The following SSPN variants were observed in gnomAD, a reference collection of about 807,000 sequenced individuals.
The protein encoded by SSPN is sarcospan.
Under a neutral mutation model 19.1 loss-of-function variants are expected in SSPN, and 15 were observed. The ratio of observed to expected loss-of-function variants is 0.78; its 90% CI spans 0.52 to 1.21. The LOEUF (loss-of-function observed/expected upper bound fraction) is 1.21. Ranked by LOEUF, SSPN falls within the 50% of genes most tolerant of loss-of-function variation. SSPN has a pLI of 0.00. For synonymous variants in SSPN, 147 were observed against 140.3 expected (o/e 1.05, Z -0.34); for missense variants, 291 against 314.0 (o/e 0.93, Z 0.55).
intron 1 of SSPN, chr12:26,124,086 G>GT: frequency 6.2e-7 from 1 of 1,606,042 alleles, no homozygotes; most frequent in Non-Finnish European, 8.5e-7. Flanking sequence ...AATTTCAGAT[G>GT]TTCAGGCAGT....
chr12:26,222,330 G>A (rs1194152389), intron 1 of SSPN, among the ~76,000 whole-genome samples: 3 of 152,234 alleles, frequency 2.0e-5, no homozygotes, highest in Non-Finnish European at 2.9e-5. Context: ...GGCAGTGGAT[G>A]AGGGCATAGG....
At chr12:26,190,778 A>G (rs570853573), upstream of SSPN, among the ~76,000 whole-genome samples, 3 of 152,266 alleles carry the variant, frequency 2.0e-5, no homozygotes, top group African/African-American at 7.2e-5. Flanking sequence ...TTAAAAATTG[A>G]GATGTCATTG....
At chr12:26,137,855 C>T (rs762958883) in intron 1 of SSPN, among the ~76,000 whole-genome samples, 4 of 150,860 alleles carry the variant, frequency 2.7e-5, no homozygotes, top group African/African-American at 4.9e-5. Flanking sequence ...TTAGTAGAGA[C>T]GGGTTTCACC....
Position 26,212,570 on chromosome 12 carries a change from G to A in SSPN, c.280-11723G>A, listed in dbSNP as rs112601961. Among the ~76,000 whole-genome samples, 471 of 151,952 alleles carry A rather than the reference G, an allele frequency of 3.1e-3. 3 individuals carry two copies. Among genetic ancestry groups the A allele is most frequent in the Non-Finnish European group, 5.3e-3 (358 of 67,962 alleles). ...CTCTGTGTCGAAACCCAAACCCCTC[G>A]TGGGCAGGCAGAACTTAGTTCTTCC... is the stretch of plus-strand genomic sequence containing the variant. On this transcript the variant is annotated intron_variant, in intron 1 of 2. Coordinates refer to ENST00000242729, the MANE Select transcript of SSPN (RefSeq NM_005086.5).
chr12:26,146,024 A>G (rs1221450604), intron 1 of SSPN, among the ~76,000 whole-genome samples: 2 of 152,182 alleles, frequency 1.3e-5, no homozygotes, highest in African/African-American at 4.8e-5. Flanking sequence ...TTTGCTGTCC[A>G]TGGAGCTGGA....
chr12:26,159,354 G>A (rs1394134903), intron 1 of SSPN, among the ~76,000 whole-genome samples: 1 of 152,256 alleles, frequency 6.6e-6, no homozygotes, highest in Non-Finnish European at 1.5e-5. Flanking sequence ...TGGGAAAAAC[G>A]AGTAAACTGG....
chr12:26,231,256 T>A lies in SSPN; in HGVS notation c.*180T>A. ...TTCTTCAGGTTTCTATTGTATTTTT[T>A]TTAACATTCTTGCAGAGAAAGCAAG... is the stretch of plus-strand genomic sequence containing the variant. On this transcript the variant is annotated 3_prime_UTR_variant, in exon 3 of 3. Transcript: ENST00000242729. 1.0e-6 allele frequency: 1 copy of A among 1,000,542 alleles called. No individual in the cohort carries two copies. Among genetic ancestry groups the A allele is most frequent in the Non-Finnish European group, 1.4e-6 (1 of 729,538 alleles). The allele number at this position is 1,000,542 out of a possible 1,614,324, so 62.0% of individuals were successfully genotyped here.
chr12:26,205,848 A>G (rs554478265), intron 1 of SSPN, among the ~76,000 whole-genome samples: 1 of 152,322 alleles, frequency 6.6e-6, no homozygotes, highest in Admixed American at 6.5e-5. Context: ...TACTTCTCCC[A>G]GGCTCTTTGG....
Position 26,230,739 on chromosome 12 carries a change from G to T in SSPN, c.395G>T (p.Gly132Val). 6.2e-7 allele frequency: 1 copy of T among 1,613,936 alleles called. No individual in the cohort carries two copies. The highest frequency in any genetic ancestry group is 8.5e-7 in the Non-Finnish European group (1 of 1,179,866). Residue 132 changes from glycine to valine, a missense_variant, in exon 3 of 3, where the codon GGC becomes GTC. Around this residue, in one of 3 missense-constraint regions of SSPN, gnomAD observed 141 missense variants for 166.7 expected, o/e 0.85. Coordinates refer to ENST00000242729, the MANE Select transcript of SSPN (RefSeq NM_005086.5). ...TTATACTTTCTGCTGAGTGCCCTGG[G>T]CCTGACGGTCTGTGTGCTGGCCGTG... ...KLLYFLLSAL[G>V]LTVCVLAVAF...
chr12:26,198,382 T>C (rs1944849301), intron 1 of SSPN, among the ~76,000 whole-genome samples: 1 of 152,228 alleles, frequency 6.6e-6, no homozygotes, highest in African/African-American at 2.4e-5. Flanking sequence ...TTTGGACAAG[T>C]TACTTAACTT....
Position 26,126,825 on chromosome 12 carries a change from T to C in SSPN, c.-31+4673T>C, listed in dbSNP as rs1944369272. Among the ~76,000 whole-genome samples, 4 of 152,178 alleles carry C rather than the reference T, an allele frequency of 2.6e-5. No individual in the cohort carries two copies. In the South Asian group the frequency reaches 8.3e-4, roughly 31 times the overall value. ...TTTAAGGTCTCTCGACTTCCTCAAA[T>C]AGAGGAACGTATTTTGCACCAAACA... On this transcript the variant is annotated intron_variant, in intron 1 of 2. Transcript: ENST00000538142.
In SSPN at chr12:26,195,726, C is replaced by T; in HGVS notation, c.54C>T (p.Ala18=). Residue 18 remains alanine, a synonymous_variant, in exon 1 of 3, where the codon GCC becomes GCT. Transcript: ENST00000242729. ...AGCAGAGGCAGGGGGGCCCGCCGGC[C>T]GCGGACGCCGCTGGGCCCGACGACA... The part of the protein sequence containing the change: ...RGQQRQGGPP[A]ADAAGPDDME... 6.9e-7 allele frequency: 1 copy of T among 1,451,312 alleles called. No individual in the cohort carries two copies. The highest frequency in any genetic ancestry group is 9.0e-7 in the Non-Finnish European group (1 of 1,107,740). The allele number at this position is 1,451,312 out of a possible 1,614,324, so 89.9% of individuals were successfully genotyped here.
At chr12:26,169,200 T>A (rs1373394573) in intron 1 of SSPN, among the ~76,000 whole-genome samples, 1 of 152,196 alleles carries the variant, frequency 6.6e-6, no homozygotes, top group Non-Finnish European at 1.5e-5. Context: ...CTAACTTTTT[T>A]TTTTGTTCTG....
chr12:26,203,017 G>C (rs1565686094), intron 1 of SSPN, among the ~76,000 whole-genome samples: 1 of 152,168 alleles, frequency 6.6e-6, no homozygotes, highest in African/African-American at 2.4e-5. Flanking sequence ...GCAGGAGAGA[G>C]AGCACTGGGG....
At chr12:26,170,372 A>G (rs564467909) in intron 1 of SSPN, among the ~76,000 whole-genome samples, 3 of 152,342 alleles carry the variant, frequency 2.0e-5, no homozygotes, top group African/African-American at 7.2e-5. Context: ...CTTCAGATCT[A>G]TGGCATTAAT....
At chr12:26,185,454 T>A (rs945259648) in intron 1 of SSPN, among the ~76,000 whole-genome samples, 2 of 152,194 alleles carry the variant, frequency 1.3e-5, no homozygotes, top group African/African-American at 4.8e-5. Flanking sequence ...AAAAAAGGGT[T>A]GGGTATTTAG....
intron 1 of SSPN, among the ~76,000 whole-genome samples, chr12:26,165,462 T>C (rs1326101947): frequency 2.0e-5 from 3 of 152,378 alleles, no homozygotes; most frequent in East Asian, 1.9e-4. Context: ...TTTGCACTTA[T>C]GGCCTGGAGC....
chr12:26,213,610 A>G lies in SSPN; in HGVS notation c.280-10683A>G, dbSNP rs116269780. On this transcript the variant is annotated intron_variant, in intron 1 of 2. Coordinates refer to ENST00000242729, the MANE Select transcript of SSPN (RefSeq NM_005086.5). ...GTCTATGAATCCTGTGAATTCTTAGATACTTATAGTGGATGCATGTTGTTG... is the reference window on the plus strand; with the variant it reads ...GTCTATGAATCCTGTGAATTCTTAGGTACTTATAGTGGATGCATGTTGTTG... Among the ~76,000 whole-genome samples, 841 of 151,792 alleles carry G rather than the reference A, an allele frequency of 5.5e-3. 11 individuals carry two copies. Among genetic ancestry groups the G allele is most frequent in the African/African-American group, 0.019 (799 of 41,374 alleles).
At chr12:26,165,640 GA>G (rs1484397764) in intron 1 of SSPN, among the ~76,000 whole-genome samples, 2 of 152,214 alleles carry the variant, frequency 1.3e-5, no homozygotes, top group African/African-American at 4.8e-5. Flanking sequence ...CAGGGAACAT[GA>G]AATTTTGAGT....
Sources: allele counts gnomAD v4.1 joint callset (sites outside exome capture counted in the v4.1 genomes callset), GRCh38; gene constraint gnomAD v4.1.1; regional missense constraint gnomAD v4.1.1; transcripts MANE v1.5; gene names NCBI Gene and HGNC (gene_info 2026-07-23, HGNC 2026-07-21).